The following FUBP3 variants were observed in gnomAD, a reference collection of about 807,000 sequenced individuals.
The protein encoded by FUBP3 is far upstream element binding protein 3.
In FUBP3, 28 loss-of-function variants were observed where a neutral mutation model predicts 85.6. That is an observed-to-expected ratio of 0.33 (90% CI 0.24 to 0.45). The LOEUF (loss-of-function observed/expected upper bound fraction) is 0.45. FUBP3 is among the 20% of genes least tolerant of loss of function. The pLI, the probability that FUBP3 is intolerant of heterozygous loss-of-function variation, is 1.00. For synonymous variants in FUBP3, 271 were observed against 271.4 expected (o/e 1.00, Z 0.01); for missense variants, 583 against 755.1 (o/e 0.77, Z 2.67).
chr9:130,628,079 AAC>A (rs377295927), intron 12 of FUBP3, among the ~76,000 whole-genome samples: 8 of 146,068 alleles, frequency 5.5e-5, no homozygotes, highest in South Asian at 2.2e-4. Context: ...CACCGCACTA[AAC>A]ACACGCACGC....
Position 130,616,294 on chromosome 9 carries a change from C to G in FUBP3, c.405-61C>G. On this transcript the variant is annotated intron_variant, in intron 6 of 18. Coordinates refer to ENST00000319725, the MANE Select transcript of FUBP3 (RefSeq NM_003934.2). This position sits in a 1 kb window ranked among gnomAD's most constrained non-coding sequence, Gnocchi z 4.7. ...TTTTCCCTCAGTGCTATTTCCCTGT[C>G]TTGCACACTTAGAGCCTCCATTTAA... 4 of 1,540,348 alleles carry G rather than the reference C, an allele frequency of 2.6e-6. No individual in the cohort carries two copies. Among genetic ancestry groups the G allele is most frequent in the Non-Finnish European group, 3.6e-6 (4 of 1,117,476 alleles).
intron 1 of FUBP3, among the ~76,000 whole-genome samples, chr9:130,594,443 C>T (rs1350499029): frequency 2.6e-5 from 4 of 151,798 alleles, no homozygotes; most frequent in South Asian, 2.1e-4. Context: ...ATTAGCCGGG[C>T]GTGGTGGTGC....
chr9:130,623,207 A>G (rs1829829279), intron 10 of FUBP3, among the ~76,000 whole-genome samples: 2 of 152,188 alleles, frequency 1.3e-5, no homozygotes, highest in Admixed American at 1.3e-4. Flanking sequence ...AGAATAAAGG[A>G]CAAATTTTTA....
chr9:130,634,592 G>C, intron 16 of FUBP3, 75 bp from the exon 17 acceptor site: 2 of 1,174,120 alleles, frequency 1.7e-6, no homozygotes, highest in Non-Finnish European at 2.5e-6. Flanking sequence ...GCAGGGCAGG[G>C]CCTGCAGCTG....
intron 13 of FUBP3, 115 bp downstream of exon 13, chr9:130,630,903 C>A: frequency 2.5e-6 from 2 of 792,926 alleles, no homozygotes; most frequent in Non-Finnish European, 3.6e-6. Context: ...GTTCTCACAT[C>A]ACACGAGGGC....
intron 10 of FUBP3, among the ~76,000 whole-genome samples, chr9:130,623,125 A>AAT (rs1222066320): frequency 6.6e-6 from 1 of 152,148 alleles, no homozygotes; most frequent in African/African-American, 2.4e-5. Flanking sequence ...AAAATTTTAA[A>AAT]ATATATATGT....
Position 130,623,734 on chromosome 9 carries a change from T to G in FUBP3, c.975+23T>G, listed in dbSNP as rs779214059. On this transcript the variant is annotated intron_variant, in intron 11 of 18. Coordinates refer to ENST00000319725, the MANE Select transcript of FUBP3 (RefSeq NM_003934.2). The stretch of plus-strand genomic sequence containing the variant: ...CAGGTGGGTCCAGCTCTGCAGAGTG[T>G]GAGTGTTTGGGCTGCAGAAGTGGAA... 3.9e-6 allele frequency: 6 copies of G among 1,519,588 alleles called. No homozygotes were observed. The Admixed American group carries it at 6.7e-5, about 17-fold the overall frequency. 94.1% of individuals were successfully genotyped at this position (1,519,588 alleles called of 1,614,324 possible).
In FUBP3 at chr9:130,597,391, G is replaced by A. The variant is rs139417633; in HGVS notation, c.190+1803G>A. On this transcript the variant is annotated intron_variant, in intron 2 of 18. Coordinates refer to ENST00000319725, the MANE Select transcript of FUBP3 (RefSeq NM_003934.2). ...CTAAAGAAGTGATCTGGTAGCCTCTGTCAAAGAAAACCCAAGCCAAACCAA... is the reference window on the plus strand; with the variant it reads ...CTAAAGAAGTGATCTGGTAGCCTCTATCAAAGAAAACCCAAGCCAAACCAA... Among the ~76,000 whole-genome samples, 413 of 152,306 alleles carry A rather than the reference G, an allele frequency of 2.7e-3. 3 individuals are homozygous for A. Among genetic ancestry groups the A allele is most frequent in the African/African-American group, 9.7e-3 (405 of 41,566 alleles).
At position 130,616,379 on chromosome 9, in the gene FUBP3, G is replaced by A. The variant is rs745952672; in HGVS notation, c.429G>A (p.Gln143=). The A allele has an allele frequency of 8.1e-6, 13 of 1,614,054 alleles. No homozygotes were observed. Among genetic ancestry groups the A allele is most frequent in the Admixed American group, 1.7e-5 (1 of 60,006 alleles). ...GACAAGCCAAACGGCTCCTGGGACA[G>A]ATTGTGGACCGCTGTCGAAATGGAC... is the stretch of plus-strand genomic sequence containing the variant. ...SIEQAKRLLG[Q]IVDRCRNGPG... is the part of the protein sequence containing the mutation. Residue 143 remains glutamine (Q), a synonymous_variant, in exon 7 of 19, where the codon CAG becomes CAA. Transcript: ENST00000319725. This position sits in a 1 kb window ranked among gnomAD's most constrained non-coding sequence, Gnocchi z 4.7.
In FUBP3 at chr9:130,602,410, C is replaced by T. The variant is rs1831200646; in HGVS notation, c.190+6822C>T. Among the ~76,000 whole-genome samples, 5 of 152,182 alleles carry T rather than the reference C, an allele frequency of 3.3e-5. No individual in the cohort carries two copies. The South Asian group carries it at 1.0e-3, about 32-fold the overall frequency. ...CAGTACTTGTGGCATAGGGCAAGGA[C>T]AGAAAAGGAAGACAGGAGGGAGGAA... is the stretch of plus-strand genomic sequence containing the variant. On this transcript the variant is annotated intron_variant, in intron 2 of 18. Coordinates refer to ENST00000319725, the MANE Select transcript of FUBP3 (RefSeq NM_003934.2).
In FUBP3 at chr9:130,584,302, C is replaced by T. The variant is rs142371590; in HGVS notation, c.84+4538C>T. ...CAGCACTTTGGGAGGCCGAGGTGGG[C>T]GGATCACTTGAACTCAGGAGTTCGA... On this transcript the variant is annotated intron_variant, in intron 1 of 18. Coordinates refer to ENST00000319725, the MANE Select transcript of FUBP3 (RefSeq NM_003934.2). Among the ~76,000 whole-genome samples the T allele has an allele frequency of 5.9e-3, 884 of 150,690 alleles. 1 individual carries two copies. Among genetic ancestry groups the T allele is most frequent in the Non-Finnish European group, 0.011 (711 of 67,522 alleles).
intron 2 of FUBP3, among the ~76,000 whole-genome samples, chr9:130,596,913 A>G (rs908594075): frequency 2.0e-5 from 3 of 152,108 alleles, no homozygotes; most frequent in Admixed American, 6.6e-5. Context: ...TTTGAGTTAC[A>G]AACAATCCAG....
At chr9:130,634,950 G>A (rs1006925090) in intron 17 of FUBP3, among the ~76,000 whole-genome samples, 2 of 152,138 alleles carry the variant, frequency 1.3e-5, no homozygotes, top group African/African-American at 4.8e-5. Flanking sequence ...GCTGCCCTGC[G>A]ACTCGGCACA....
In FUBP3 at chr9:130,626,403, A is replaced by G; in HGVS notation, c.1015A>G (p.Arg339Gly). 3.7e-6 allele frequency: 6 copies of G among 1,613,532 alleles called. No individual in the cohort carries two copies. The highest frequency in any genetic ancestry group is 1.1e-5 in the South Asian group (1 of 91,040). Reference protein sequence around the residue: ...GFGGLAAARGRGRGRGDWSVG... With the variant: ...GFGGLAAARGGGRGRGDWSVG... ...TGGAGGCCTGGCAGCAGCCAGAGGA[A>G]GAGGTCGTGGCCGTGGCGACTGGAG... Residue 339 changes from arginine to glycine, a missense_variant, in exon 12 of 19, where the codon AGA becomes GGA. Transcript: ENST00000319725.
intron 5 of FUBP3, 45 bp downstream of exon 5, chr9:130,613,072 A>AT (rs2119073438): frequency 7.8e-7 from 1 of 1,281,054 alleles, no homozygotes; most frequent in East Asian, 2.3e-5. Flanking sequence ...AGAAATCAGT[A>AT]TTTTGCAAAA....
intron 2 of FUBP3, among the ~76,000 whole-genome samples, chr9:130,599,519 G>A (rs1159407384): frequency 5.9e-5 from 9 of 152,006 alleles, no homozygotes; most frequent in South Asian, 2.1e-4. Flanking sequence ...TTGTCAGAAC[G>A]CTGTTCATGA....
At chr9:130,619,957 C>T (rs566789812) in intron 8 of FUBP3, among the ~76,000 whole-genome samples, 33 of 152,310 alleles carry the variant, frequency 2.2e-4, no homozygotes, top group African/African-American at 6.3e-4. Context: ...CCTCAGTGGG[C>T]GCTCTTAGAC....
chr9:130,609,484 C>T (rs1304899706), intron 2 of FUBP3, among the ~76,000 whole-genome samples: 1 of 152,110 alleles, frequency 6.6e-6, no homozygotes, highest in Non-Finnish European at 1.5e-5. Context: ...GTCTCCTCCC[C>T]CGTGGCCAGG....
intron 6 of FUBP3, among the ~76,000 whole-genome samples, chr9:130,614,677 G>T (rs1831911899): frequency 6.6e-6 from 1 of 152,148 alleles, no homozygotes; most frequent in South Asian, 2.1e-4. Flanking sequence ...AGCAGGTCTG[G>T]ATTAGTAAGC....
Sources: allele counts gnomAD v4.1 joint callset (sites outside exome capture counted in the v4.1 genomes callset), GRCh38; gene constraint gnomAD v4.1.1; non-coding constraint Gnocchi (gnomAD v3.1); transcripts MANE v1.5; gene names NCBI Gene and HGNC (gene_info 2026-07-23, HGNC 2026-07-21).